The following PRELP variants were observed in gnomAD, a reference collection of about 807,000 sequenced individuals.
PRELP encodes prolargin.
Under a neutral mutation model 22.8 loss-of-function variants are expected in PRELP, and 16 were observed. The ratio of observed to expected loss-of-function variants is 0.70; its 90% confidence interval spans 0.47 to 1.06. PRELP has a LOEUF of 1.06. PRELP is among the 50% of genes least tolerant of loss of function. The probability of loss-of-function intolerance (pLI) is 0.00; values close to 1 mark genes in which losing one functional copy is unlikely to be tolerated. For missense variants in PRELP, 434 were observed against 485.2 expected, an observed-to-expected ratio of 0.89 and a Z score of 0.99; for synonymous variants, 233 against 211.4, an observed-to-expected ratio of 1.10 and a Z score of -0.89.
intron 2 of PRELP, among the ~76,000 whole-genome samples, chr1:203,485,652 A>C (rs1661081756): frequency 6.6e-6 from 1 of 152,048 alleles, no homozygotes; most frequent in Non-Finnish European, 1.5e-5. Flanking sequence ...ATAAGAGAAA[A>C]CCCCCGTGTC....
intron 1 of PRELP, among the ~76,000 whole-genome samples, chr1:203,476,940 GA>G (rs36000732): frequency 0.32 from 44,736 of 140,918 alleles, 6,660 homozygotes; most frequent in East Asian, 0.36. Flanking sequence ...TGGCAGAGGA[GA>G]AAAAAAAAAA....
chr1:203,478,972 G>T (rs967616298), intron 1 of PRELP, among the ~76,000 whole-genome samples: 2 of 152,136 alleles, frequency 1.3e-5, no homozygotes, highest in Non-Finnish European at 2.9e-5. Context: ...CAGAGAGCAG[G>T]ATGGCTTTCA....
At chr1:203,484,206 T>G in intron 2 of PRELP, 49 bp downstream of exon 2, 1 of 1,581,852 alleles carries the variant, frequency 6.3e-7, no homozygotes, top group Non-Finnish European at 8.6e-7. Context: ...GGTTGGCTTG[T>G]GTAGCACTTC....
In PRELP at chr1:203,484,034, C is replaced by T. The variant is rs762465667; in HGVS notation, c.850C>T (p.Pro284Ser). Reference sequence around the variant, plus strand: ...CAACAAGCTGACAGACAGGGGACTCCCCAAGAACTCCTTTAATATCTCCAA... The same window carrying T: ...CAACAAGCTGACAGACAGGGGACTCTCCAAGAACTCCTTTAATATCTCCAA... ...NYNKLTDRGL[P>S]KNSFNISNLL... The change falls in exon 2 of 3, where the codon CCC becomes TCC. Residue 284 changes from proline to serine, a missense_variant. Transcript: ENST00000343110. 5.6e-6 allele frequency: 9 copies of T among 1,614,108 alleles called. No homozygotes were observed.
In PRELP at chr1:203,476,450, G is replaced by GAC. The variant is rs370236988; in HGVS notation, c.-17+524_-17+525dup. 4.6e-5 allele frequency among the ~76,000 whole-genome samples: 7 copies of GAC among 152,104 alleles called. No homozygotes were observed. The East Asian group carries it at 1.4e-3, about 29-fold the overall frequency. ...ACCACATCATCACCAGACACCAGCA[G>GAC]ACACACACACACATGCATGCACACA... is the stretch of plus-strand genomic sequence containing the variant. On this transcript the variant is annotated intron_variant, in intron 1 of 2. Coordinates refer to ENST00000343110, the MANE Select transcript of PRELP (RefSeq NM_002725.4).
In PRELP at chr1:203,488,534, AAAG is replaced by A. The variant is rs1235140609; in HGVS notation, c.*1655_*1657del. On this transcript the variant is annotated 3_prime_UTR_variant, in exon 3 of 3. Transcript: ENST00000343110. ...GACTCCGTCTCAAAAAAGAAAAAAA[AAAG>A]ATGCTCCTCTGAGGTCCCTCCGGCG... 1 of 152,322 alleles carries A rather than the reference AAAG, an allele frequency of 6.6e-6. No individual in the cohort carries two copies. The highest frequency in any genetic ancestry group is 1.5e-5 in the Non-Finnish European group (1 of 68,120). 9.4% of individuals were successfully genotyped at this position (152,322 alleles called of 1,614,324 possible).
intron 1 of PRELP, among the ~76,000 whole-genome samples, chr1:203,480,529 A>G (rs1660982185): frequency 6.6e-6 from 1 of 152,244 alleles, no homozygotes; most frequent in African/African-American, 2.4e-5. Flanking sequence ...GAGCACTGCC[A>G]GAGAGAATGG....
At chr1:203,484,194 G>A (rs1359884216) in intron 2 of PRELP, 37 bp downstream of exon 2, 1 of 1,590,276 alleles carries the variant, frequency 6.3e-7, no homozygotes, top group South Asian at 1.1e-5. Context: ...CGAAGGCAAG[G>A]AGGTTGGCTT....
chr1:203,483,472 G>C lies in PRELP; in HGVS notation c.288G>C (p.Lys96Asn). The C allele has an allele frequency of 6.2e-7, 1 of 1,614,216 alleles. No homozygotes were observed. Among genetic ancestry groups the C allele is most frequent in the Non-Finnish European group, 8.5e-7 (1 of 1,180,036 alleles). The change falls in exon 2 of 3, where the codon AAG becomes AAC. Residue 96 changes from lysine (K) to asparagine (N), a missense_variant. By Grantham distance (94) the Lys-to-Asn change is moderately conservative. Coordinates refer to ENST00000343110, the MANE Select transcript of PRELP (RefSeq NM_002725.4). This position sits in a 1 kb window ranked among gnomAD's most constrained non-coding sequence, Gnocchi z 4.4. ...ACTGTGATAGCCGCAACCTGCGAAA[G>C]GTCCCTGTCATCCCGCCCCGCATCC... is the stretch of plus-strand genomic sequence containing the variant. ...ALYCDSRNLR[K>N]VPVIPPRIHY...
At chr1:203,486,626 G>T in intron 2 of PRELP, 80 bp from the exon 3 acceptor site, 1 of 1,375,024 alleles carries the variant, frequency 7.3e-7, no homozygotes. Context: ...CCTTGCTCTC[G>T]GGTGTCTTCC....
rs1181101809 is a variant in PRELP at position 203,485,509 on chromosome 1, G to A, written c.974-1197G>A. Among the ~76,000 whole-genome samples the A allele has an allele frequency of 2.0e-5, 3 of 152,218 alleles. No individual in the cohort carries two copies. The South Asian group carries it at 6.2e-4, about 32-fold the overall frequency. On this transcript the variant is annotated intron_variant, in intron 2 of 2. Coordinates refer to ENST00000343110, the MANE Select transcript of PRELP (RefSeq NM_002725.4). ...CACAATGACCATAATGCTGCCACTG[G>A]TACTGTCTTTAAACAGCTTACAAAA...
chr1:203,482,851 C>A (rs1449303365), intron 1 of PRELP, among the ~76,000 whole-genome samples: 1 of 152,098 alleles, frequency 6.6e-6, no homozygotes, highest in Non-Finnish European at 1.5e-5. Context: ...CCCACCTTGG[C>A]CTCCCAAAGT....
In PRELP at chr1:203,488,533, A is replaced by C. The variant is rs1253926386; in HGVS notation, c.*1652A>C. Reference sequence around the variant, plus strand: ...AGACTCCGTCTCAAAAAAGAAAAAAAAAAGATGCTCCTCTGAGGTCCCTCC... The same window carrying C: ...AGACTCCGTCTCAAAAAAGAAAAAACAAAGATGCTCCTCTGAGGTCCCTCC... On this transcript the variant is annotated 3_prime_UTR_variant, in exon 3 of 3. Transcript: ENST00000343110. The C allele has an allele frequency of 1.3e-5, 2 of 152,332 alleles. No individual in the cohort carries two copies. Among genetic ancestry groups the C allele is most frequent in the East Asian group, 3.8e-4 (2 of 5,204 alleles). The allele number at this position is 152,332 out of a possible 1,614,324, so 9.4% of individuals were successfully genotyped here. A position where few individuals can be genotyped will look rare whatever the true frequency, so the allele number is the denominator to read the frequency against.
rs79546315 is a variant in PRELP at position 203,479,828 on chromosome 1, A to T, written c.-16-3341A>T. On this transcript the variant is annotated intron_variant, in intron 1 of 2. Transcript: ENST00000343110. ...TTGCAGAGATTTTGCACTTTATAAC[A>T]TGCCTTCAAATGCATGATCTCATTT... is the stretch of plus-strand genomic sequence containing the variant. 6.7e-3 allele frequency among the ~76,000 whole-genome samples: 1,022 copies of T among 151,980 alleles called. 13 individuals carry two copies. The highest frequency in any genetic ancestry group is 0.024 in the African/African-American group (987 of 41,446).
At position 203,489,643 on chromosome 1, in the gene PRELP, G is replaced by C. The variant is rs1192263729; in HGVS notation, c.*2762G>C. ...CTGCGTGAACTCAACGGTGTGAACA[G>C]GTCAAGAATAACACTTCAAAGTCAT... On this transcript the variant is annotated 3_prime_UTR_variant, in exon 3 of 3. Transcript: ENST00000343110. 1 of 152,266 alleles carries C rather than the reference G, an allele frequency of 6.6e-6. No individual in the cohort carries two copies. Among genetic ancestry groups the C allele is most frequent in the Non-Finnish European group, 1.5e-5 (1 of 68,046 alleles). 9.4% of individuals were successfully genotyped at this position (152,266 alleles called of 1,614,324 possible). A position where few individuals can be genotyped will look rare whatever the true frequency, so the allele number is the denominator to read the frequency against.
chr1:203,481,362 A>G (rs1455382004), intron 1 of PRELP, among the ~76,000 whole-genome samples: 1 of 152,256 alleles, frequency 6.6e-6, no homozygotes, highest in East Asian at 1.9e-4. Context: ...AGAAAATTAC[A>G]GAACTTACAC....
In PRELP at chr1:203,483,065, C is replaced by A; in HGVS notation, c.-16-104C>A. On this transcript the variant is annotated intron_variant, in intron 1 of 2. Transcript: ENST00000343110. The surrounding 1 kb of genome is among the most constrained non-coding windows in gnomAD (Gnocchi z 4.4). ...CTTCCACAGCTCCCTGAGCTCTGCC[C>A]ATCTTCCCTAGAGCTCTAGTTCTGC... The A allele has an allele frequency of 1.1e-6, 1 of 925,364 alleles. No homozygotes were observed. 57.3% of individuals were successfully genotyped at this position (925,364 alleles called of 1,614,324 possible). A position where few individuals can be genotyped will look rare whatever the true frequency, so the allele number is the denominator to read the frequency against.
Position 203,483,998 on chromosome 1 carries a change from C to G in PRELP, c.814C>G (p.Arg272Gly), listed in dbSNP as rs554590706. 4 of 1,614,220 alleles carry G rather than the reference C, an allele frequency of 2.5e-6. No homozygotes were observed. The South Asian group carries it at 3.3e-5, about 13-fold the overall frequency. ...GAGCTTTCCCAATCTTGCCTTCATT[C>G]GGCTTAACTACAACAAGCTGACAGA... The part of the protein sequence containing the change: ...FKSFPNLAFI[R>G]LNYNKLTDRG... Residue 272 changes from arginine to glycine, a missense_variant, in exon 2 of 3, where the codon CGG (arginine) becomes GGG (glycine). Coordinates refer to ENST00000343110, the MANE Select transcript of PRELP (RefSeq NM_002725.4). This position sits in a 1 kb window ranked among gnomAD's most constrained non-coding sequence, Gnocchi z 4.4.
chr1:203,478,356 AGAG>A (rs1660946325), intron 1 of PRELP, among the ~76,000 whole-genome samples: 1 of 152,192 alleles, frequency 6.6e-6, no homozygotes, highest in African/African-American at 2.4e-5. Context: ...GCGGGCTGTC[AGAG>A]AAGAGTCGTC....
Sources: allele counts gnomAD v4.1 joint callset (sites outside exome capture counted in the v4.1 genomes callset), GRCh38; gene constraint gnomAD v4.1.1; non-coding constraint Gnocchi (gnomAD v3.1); transcripts MANE v1.5; gene names NCBI Gene and HGNC (gene_info 2026-07-23, HGNC 2026-07-21).